The following GBF1 variants were observed in gnomAD, a reference collection of about 807,000 sequenced individuals.
GBF1 encodes the protein Golgi-specific brefeldin A-resistance guanine nucleotide exchange factor 1.
Under a neutral mutation model 210.5 loss-of-function variants are expected in GBF1, and 114 were observed. The ratio of observed to expected loss-of-function variants is 0.54; its 90% CI spans 0.47 to 0.63. The LOEUF is 0.63. Ranked by LOEUF, GBF1 falls within the 30% of genes least tolerant of loss-of-function variation. The pLI is 0.00. For synonymous variants in GBF1, 850 were observed against 889.2 expected, an observed-to-expected ratio of 0.96 and a Z score of 0.78; for missense variants, 1,851 against 2,357.7, an observed-to-expected ratio of 0.79 and a Z score of 4.45.
chr10:102,362,633 G>A lies in GBF1; in HGVS notation c.1845G>A (p.Glu615=). The A allele has an allele frequency of 6.2e-7, 1 of 1,614,184 alleles. No homozygotes were observed. Among genetic ancestry groups the A allele is most frequent in the Non-Finnish European group, 8.5e-7 (1 of 1,180,000 alleles). The change falls in exon 15 of 40, where the codon GAG becomes GAA. Residue 615 remains glutamate (E), a synonymous_variant. Coordinates refer to ENST00000369983, the MANE Select transcript of GBF1 (RefSeq NM_001377137.1). The part of the protein sequence containing the change: ...EKKETARPSC[E]IVDGTREASN... ...AGGAGACAGCCAGACCAAGCTGTGAGATAGTAGATGGCACCCGAGAAGCTA... is the reference window on the plus strand; with the variant it reads ...AGGAGACAGCCAGACCAAGCTGTGAAATAGTAGATGGCACCCGAGAAGCTA...
At chr10:102,317,416 C>T (rs970355088) in intron 3 of GBF1, among the ~76,000 whole-genome samples, 2 of 152,212 alleles carry the variant, frequency 1.3e-5, no homozygotes, top group Non-Finnish European at 2.9e-5. Flanking sequence ...GTCAGGAGTT[C>T]GAGACCAACC....
At chr10:102,343,799 C>G (rs377468660) in intron 3 of GBF1, among the ~76,000 whole-genome samples, 1 of 124,312 alleles carries the variant, frequency 8.0e-6, no homozygotes, top group Non-Finnish European at 1.7e-5. Context: ...CTCTGTCTGA[C>G]AAAAAAAAAA....
intron 7 of GBF1, among the ~76,000 whole-genome samples, chr10:102,353,381 T>C (rs934530863): frequency 3.0e-4 from 46 of 152,204 alleles, no homozygotes; most frequent in African/African-American, 1.1e-3. Flanking sequence ...CTTACCTTGC[T>C]CTCACAACTA....
At chr10:102,256,160 G>A (rs1185348866) in intron 1 of GBF1, among the ~76,000 whole-genome samples, 3 of 152,140 alleles carry the variant, frequency 2.0e-5, no homozygotes, top group African/African-American at 7.2e-5. Flanking sequence ...GCCAAGGCTG[G>A]TCTCGAACTC....
chr10:102,281,047 C>T (rs1338617527), intron 3 of GBF1, among the ~76,000 whole-genome samples: 2 of 152,062 alleles, frequency 1.3e-5, no homozygotes, highest in Non-Finnish European at 2.9e-5. Flanking sequence ...CTGCATGTTT[C>T]TACATTTGAA....
chr10:102,234,214 G>T, the GBF1 span, among the ~76,000 whole-genome samples: 1 of 152,180 alleles, frequency 6.6e-6, no homozygotes, highest in Non-Finnish European at 1.5e-5. Context: ...GCCTGTATTT[G>T]CACATGGTAA....
the GBF1 span, chr10:102,232,123 A>G: frequency 8.0e-7 from 1 of 1,245,966 alleles, no homozygotes; most frequent in African/African-American, 1.5e-5. Flanking sequence ...AGACCAGGGT[A>G]ATGGGGGTAA....
At chr10:102,290,539 C>T (rs2076348686) in intron 3 of GBF1, among the ~76,000 whole-genome samples, 1 of 152,020 alleles carries the variant, frequency 6.6e-6, no homozygotes, top group African/African-American at 2.4e-5. Context: ...GTCTCTGTCG[C>T]CCAGGCTGGA....
chr10:102,338,734 G>A (rs1246858607), intron 3 of GBF1, among the ~76,000 whole-genome samples: 1 of 151,874 alleles, frequency 6.6e-6, no homozygotes, highest in African/African-American at 2.4e-5. Context: ...ATTACCTGAG[G>A]TTGGGAGTTT....
At chr10:102,329,828 G>A (rs2057200173) in intron 3 of GBF1, among the ~76,000 whole-genome samples, 2 of 152,072 alleles carry the variant, frequency 1.3e-5, no homozygotes, top group Non-Finnish European at 2.9e-5. Flanking sequence ...TATACAATAG[G>A]CCAGGCACAG....
rs192059591 is a variant in GBF1 at position 102,290,979 on chromosome 10, C to T, written c.163+30863C>T. On this transcript the variant is annotated intron_variant, in intron 3 of 39. Transcript: ENST00000369983. ...ATTTCTTTAATTACTAGCATTTTCT[C>T]AAGTGTTTTACTGTTTGGGGTTTTT... 7.2e-5 allele frequency among the ~76,000 whole-genome samples: 11 copies of T among 152,248 alleles called. No homozygotes were observed. The East Asian group carries it at 1.9e-3, about 27-fold the overall frequency.
chr10:102,289,775 C>A (rs750194619), intron 3 of GBF1, among the ~76,000 whole-genome samples: 7 of 152,092 alleles, frequency 4.6e-5, no homozygotes, highest in Non-Finnish European at 1.5e-5. Flanking sequence ...ATAAAAGTAA[C>A]AAAGCAGGCA....
chr10:102,247,530 G>A (rs775502385), intron 1 of GBF1, among the ~76,000 whole-genome samples: 1 of 152,134 alleles, frequency 6.6e-6, no homozygotes, highest in African/African-American at 2.4e-5. Flanking sequence ...GATATGCTTT[G>A]CATAACAGGC....
the GBF1 span, among the ~76,000 whole-genome samples, chr10:102,237,766 A>T: frequency 0.079 from 11,964 of 152,164 alleles, 545 homozygotes; most frequent in African/African-American, 0.12. Flanking sequence ...TTAATATAAA[A>T]ATAAAGCTTT....
intron 3 of GBF1, among the ~76,000 whole-genome samples, chr10:102,304,676 AG>A (rs1432820174): frequency 6.6e-6 from 1 of 152,104 alleles, no homozygotes; most frequent in Non-Finnish European, 1.5e-5. Flanking sequence ...AGGGAGGCTG[AG>A]GCAGGAGAAT....
At chr10:102,337,203 CCCATCTCTA>C (rs1384400664) in intron 3 of GBF1, among the ~76,000 whole-genome samples, 1 of 151,510 alleles carries the variant, frequency 6.6e-6, no homozygotes, top group East Asian at 2.0e-4. Context: ...GCGGCGAAAC[CCCATCTCTA>C]CTAAAAATAC....
chr10:102,348,869 G>T (rs1415283700), intron 4 of GBF1, among the ~76,000 whole-genome samples: 1 of 152,188 alleles, frequency 6.6e-6, no homozygotes, highest in Admixed American at 6.5e-5. Context: ...ATGTTTGGGG[G>T]CCAGGCACAG....
At chr10:102,247,826 C>T (rs1391623907) in intron 1 of GBF1, among the ~76,000 whole-genome samples, 1 of 152,130 alleles carries the variant, frequency 6.6e-6, no homozygotes, top group Non-Finnish European at 1.5e-5. Context: ...CAGTGATGCT[C>T]ATTGGCACAG....
intron 3 of GBF1, among the ~76,000 whole-genome samples, chr10:102,342,752 C>G (rs917383353): frequency 6.6e-6 from 1 of 151,978 alleles, no homozygotes; most frequent in Non-Finnish European, 1.5e-5. Context: ...CTTTTGGTCT[C>G]TTTAGGAAGC....
Sources: gnomAD v4.1 joint callset for allele counts (sites outside exome capture counted in the v4.1 genomes callset) on GRCh38, gnomAD v4.1.1 for gene constraint, MANE v1.5 for transcripts, NCBI Gene and HGNC (gene_info 2026-07-23, HGNC 2026-07-21) for gene names.